The following SOBP variants were observed in gnomAD, a reference collection of about 807,000 sequenced individuals.
SOBP encodes sine oculis binding protein homolog, also known as sine oculis-binding protein homolog.
In SOBP, 4 loss-of-function variants were observed where a neutral mutation model predicts 53.6. That is an observed-to-expected ratio of 0.07 (90% CI 0.04 to 0.17). SOBP has a LOEUF of 0.17. Among genes scored for constraint, SOBP ranks in the 10% least tolerant of loss-of-function variants. The pLI, the probability that SOBP is intolerant of heterozygous loss-of-function variation, is 1.00. For synonymous variants in SOBP, 584 were observed against 522.6 expected, an observed-to-expected ratio of 1.12 and a Z score of -1.60; for missense variants, 1,088 against 1,204.7, an observed-to-expected ratio of 0.90 and a Z score of 1.43.
Position 107,550,600 on chromosome 6 carries a change from G to A in SOBP, c.573+16990G>A, listed in dbSNP as rs78275698. Among the ~76,000 whole-genome samples the A allele has an allele frequency of 1.3e-3, 197 of 152,258 alleles. 1 individual carries two copies. Among genetic ancestry groups the A allele is most frequent in the Middle Eastern group, 0.01 (3 of 294 alleles). On this transcript the variant is annotated intron_variant, in intron 4 of 6. Coordinates refer to ENST00000317357, the MANE Select transcript of SOBP (RefSeq NM_018013.4). Reference sequence around the variant, plus strand: ...ATGTGAGGCATGCTGGAACTGATGCGGGTAAGAAGAACCCGGGCACCACAG... The same window carrying A: ...ATGTGAGGCATGCTGGAACTGATGCAGGTAAGAAGAACCCGGGCACCACAG...
intron 5 of SOBP, among the ~76,000 whole-genome samples, chr6:107,615,926 G>A (rs1786765714): frequency 6.6e-6 from 1 of 151,618 alleles, no homozygotes; most frequent in Admixed American, 6.6e-5. Flanking sequence ...AGAGGCTGGG[G>A]TTGGAGCATC....
At chr6:107,530,495 A>C (rs1783790453) in intron 3 of SOBP, among the ~76,000 whole-genome samples, 1 of 152,052 alleles carries the variant, frequency 6.6e-6, no homozygotes, top group African/African-American at 2.4e-5. Flanking sequence ...GACAATATTA[A>C]TTTAGATAAT....
intron 6 of SOBP, among the ~76,000 whole-genome samples, chr6:107,653,784 T>TA (rs1771905152): frequency 6.6e-6 from 1 of 152,212 alleles, no homozygotes; most frequent in East Asian, 1.9e-4. Flanking sequence ...GGATGTAGAA[T>TA]AAGACAGACA....
chr6:107,516,147 G>T (rs1291719647), intron 3 of SOBP, among the ~76,000 whole-genome samples: 1 of 152,068 alleles, frequency 6.6e-6, no homozygotes, highest in Non-Finnish European at 1.5e-5. Context: ...CTTTCCTCTT[G>T]ATATCAAGAA....
chr6:107,536,680 T>G (rs552819102), intron 4 of SOBP, among the ~76,000 whole-genome samples: 2 of 152,248 alleles, frequency 1.3e-5, no homozygotes, highest in East Asian at 3.9e-4. Flanking sequence ...GAATTTAAAT[T>G]TTTATTTGAA....
Position 107,516,600 on chromosome 6 carries a change from A to T in SOBP, c.421+10173A>T, listed in dbSNP as rs140699613. On this transcript the variant is annotated intron_variant, in intron 3 of 6. Transcript: ENST00000317357. Reference sequence around the variant, plus strand: ...GAAACTCAAGATTTGTAAGACAGAAATGCTATTTTATATAGACCTCCCTAC... The same window carrying T: ...GAAACTCAAGATTTGTAAGACAGAATTGCTATTTTATATAGACCTCCCTAC... 5.7e-4 allele frequency among the ~76,000 whole-genome samples: 87 copies of T among 152,294 alleles called. 2 individuals carry two copies. The highest frequency in any genetic ancestry group is 2.0e-3 in the African/African-American group (84 of 41,570).
At chr6:107,591,980 T>TTG (rs1196865080) in intron 5 of SOBP, among the ~76,000 whole-genome samples, 11 of 143,946 alleles carry the variant, frequency 7.6e-5, no homozygotes, top group African/African-American at 3.1e-4. Flanking sequence ...TTTTTTTTTT[T>TTG]TTTTTTTTTT....
intron 4 of SOBP, among the ~76,000 whole-genome samples, chr6:107,565,129 A>G (rs1207183654): frequency 6.6e-6 from 1 of 152,234 alleles, no homozygotes; most frequent in Non-Finnish European, 1.5e-5. Context: ...CAACTCATGC[A>G]GTGATGAAGG....
At chr6:107,551,676 A>T (rs7771008) in intron 4 of SOBP, among the ~76,000 whole-genome samples, 2,293 of 152,204 alleles carry the variant, frequency 0.015, 48 homozygotes, top group African/African-American at 0.053. Context: ...TACCATACTT[A>T]TTTTCCTGTG....
intron 4 of SOBP, among the ~76,000 whole-genome samples, chr6:107,557,526 T>C (rs1475224151): frequency 6.6e-6 from 1 of 152,256 alleles, no homozygotes; most frequent in East Asian, 1.9e-4. Flanking sequence ...AAAGTATATC[T>C]GATGGCCTTT....
chr6:107,601,072 A>G (rs556655505), intron 5 of SOBP, among the ~76,000 whole-genome samples: 1 of 152,174 alleles, frequency 6.6e-6, no homozygotes, highest in Non-Finnish European at 1.5e-5. Context: ...GTGGCTCTCT[A>G]TTGGCAATTT....
intron 5 of SOBP, among the ~76,000 whole-genome samples, chr6:107,595,116 A>T (rs1313986421): frequency 2.0e-5 from 3 of 152,240 alleles, no homozygotes; most frequent in African/African-American, 7.2e-5. Context: ...CTGAAGCCAG[A>T]AAGAACATCT....
At chr6:107,517,450 T>C (rs1783354230) in intron 3 of SOBP, among the ~76,000 whole-genome samples, 2 of 152,130 alleles carry the variant, frequency 1.3e-5, no homozygotes, top group Non-Finnish European at 2.9e-5. Context: ...TGCTGTCTCT[T>C]CTCATAAGGG....
At chr6:107,580,512 A>C (rs73762269) in intron 4 of SOBP, among the ~76,000 whole-genome samples, 2,105 of 152,298 alleles carry the variant, frequency 0.014, 51 homozygotes, top group African/African-American at 0.047. Flanking sequence ...GCCGTCAAGG[A>C]GTTTCAGTCT....
rs747038099 is a variant in SOBP, at chr6:107,635,388, C to G, written c.2544C>G (p.Pro848=). 2.5e-6 allele frequency: 4 copies of G among 1,613,478 alleles called. No individual in the cohort carries two copies. The highest frequency in any genetic ancestry group is 1.1e-5 in the South Asian group (1 of 91,078). The change falls in exon 6 of 7, where the codon CCC becomes CCG. Residue 848 remains proline (P), a synonymous_variant. Transcript: ENST00000317357. This position sits in a 1 kb window ranked among gnomAD's most constrained non-coding sequence, Gnocchi z 4.5. ...AAMAPCIISS[P]MLSAGPEDLE... ...TGGCACCGTGCATCATCTCCTCGCC[C>G]ATGCTCAGCGCCGGGCCTGAGGACC...
chr6:107,591,934 A>G, intron 5 of SOBP, among the ~76,000 whole-genome samples: 1 of 117,046 alleles, frequency 8.5e-6, no homozygotes, highest in East Asian at 2.3e-4. Context: ...TGAAGTATGT[A>G]TGCTTTTGTG....
rs73762236 is a variant in SOBP, at chr6:107,532,241, T to A, written c.422-1218T>A. Reference sequence around the variant, plus strand: ...ATGTGGCAATCAGTCTCTCTCTCTCTCACACACACACACACACACACACAC... The same window carrying A: ...ATGTGGCAATCAGTCTCTCTCTCTCACACACACACACACACACACACACAC... On this transcript the variant is annotated intron_variant, in intron 3 of 6. Transcript: ENST00000317357. 8.5e-3 allele frequency among the ~76,000 whole-genome samples: 1,185 copies of A among 139,724 alleles called. 12 individuals carry two copies. Among genetic ancestry groups the A allele is most frequent in the East Asian group, 0.05 (210 of 4,224 alleles). The allele number at this position is 139,724 out of a possible 152,430, so 91.7% of individuals were successfully genotyped here. A position where few individuals can be genotyped will look rare whatever the true frequency, so the allele number is the denominator to read the frequency against.
intron 3 of SOBP, among the ~76,000 whole-genome samples, chr6:107,516,297 A>G (rs934120489): frequency 2.0e-5 from 3 of 152,090 alleles, no homozygotes; most frequent in Non-Finnish European, 4.4e-5. Flanking sequence ...CCTAGTCTGT[A>G]CTAAAAATAC....
At chr6:107,559,468 A>C (rs759043900) in intron 4 of SOBP, among the ~76,000 whole-genome samples, 31 of 152,230 alleles carry the variant, frequency 2.0e-4, no homozygotes, top group Non-Finnish European at 3.4e-4. Context: ...AAATTTATTT[A>C]AACTAAGAAA....
Sources: allele counts gnomAD v4.1 joint callset (sites outside exome capture counted in the v4.1 genomes callset), GRCh38; gene constraint gnomAD v4.1.1; non-coding constraint Gnocchi (gnomAD v3.1); transcripts MANE v1.5; gene names NCBI Gene and HGNC (gene_info 2026-07-23, HGNC 2026-07-21).